ADNP2: variants seen among roughly 807,000 people sequenced by gnomAD.
ADNP2 encodes ADNP homeobox 2.
A neutral mutation model predicts 16.4 loss-of-function variants in ADNP2; 8 were observed. The observed-to-expected ratio is 0.49, with a 90% CI of 0.29 to 0.88. ADNP2 has a LOEUF of 0.88. Ranked by LOEUF, ADNP2 falls within the 40% of genes least tolerant of loss-of-function variation. The pLI is 0.09. For synonymous variants in ADNP2, 637 were observed against 545.8 expected (o/e 1.17, Z -2.33); for missense variants, 1,397 against 1,395.1 (o/e 1.00, Z -0.02).
intron 1 of ADNP2, among the ~76,000 whole-genome samples, chr18:80,110,750 C>T (rs1026587137): frequency 6.6e-6 from 1 of 152,074 alleles, no homozygotes; most frequent in Non-Finnish European, 1.5e-5. Flanking sequence ...GACTTCACTG[C>T]GAAGACAGCA....
Position 80,137,955 on chromosome 18 carries a change from C to T in ADNP2, c.2542C>T (p.His848Tyr), listed in dbSNP as rs771171604. 2 of 1,613,118 alleles carry T rather than the reference C, an allele frequency of 1.2e-6. No homozygotes were observed. Among genetic ancestry groups the T allele is most frequent in the African/African-American group, 2.7e-5 (2 of 74,926 alleles). ...CTACTTGGCAATCCTGGCTGGGATA[C>T]ACTCCAAGTCACTGGTGCCTGTGTA... is the stretch of plus-strand genomic sequence containing the variant. ...EVYLAILAGI[H>Y]SKSLVPVYVK... The change falls in exon 4 of 4, where the codon CAC becomes TAC. Residue 848 changes from histidine (H) to tyrosine (Y), a missense_variant. His to Tyr is a moderately conservative substitution (Grantham distance 83, BLOSUM62 2). This residue lies in a region of ADNP2 where 611 missense variants were observed against 648.7 expected (regional missense o/e 0.94). Coordinates refer to ENST00000262198, the MANE Select transcript of ADNP2 (RefSeq NM_014913.4). This position sits in a 1 kb window ranked among gnomAD's most constrained non-coding sequence, Gnocchi z 4.2.
At position 80,139,295 on chromosome 18, in the gene ADNP2, G is replaced by A. The variant is rs757558903; in HGVS notation, c.*486G>A. ...TACAAACCCTGTGATGTATGTATAA[G>A]GCTCCCTGAGGATGCACTGCATTAA... is the stretch of plus-strand genomic sequence containing the variant. On this transcript the variant is annotated 3_prime_UTR_variant, in exon 4 of 4. Coordinates refer to ENST00000262198, the MANE Select transcript of ADNP2 (RefSeq NM_014913.4). 6.6e-6 allele frequency: 1 copy of A among 152,374 alleles called. No individual in the cohort carries two copies. The highest frequency in any genetic ancestry group is 1.5e-5 in the Non-Finnish European group (1 of 68,274). The allele number at this position is 152,374 out of a possible 1,614,324, so 9.4% of individuals were successfully genotyped here. A position where few individuals can be genotyped will look rare whatever the true frequency, so the allele number is the denominator to read the frequency against.
chr18:80,133,066 A>G (rs1355101151), intron 2 of ADNP2, 37 bp from the exon 3 acceptor site: 3 of 1,386,346 alleles, frequency 2.2e-6, no homozygotes, highest in Non-Finnish European at 3.0e-6. Context: ...TATCTTCTGA[A>G]TTTACATAAT....
intron 3 of ADNP2, 38 bp downstream of exon 3, chr18:80,133,230 A>G (rs375480549): frequency 1.3e-6 from 2 of 1,512,518 alleles, no homozygotes; most frequent in East Asian, 2.3e-5. Context: ...TGTTTCCTCA[A>G]AAGTGAGCAG....
chr18:80,112,801 ACT>A (rs1271590827), intron 1 of ADNP2, among the ~76,000 whole-genome samples: 6 of 151,972 alleles, frequency 3.9e-5, no homozygotes, highest in African/African-American at 1.5e-4. Context: ...GCTTCTCAAA[ACT>A]CTGTGATAAG....
At position 80,135,998 on chromosome 18, in the gene ADNP2, T is replaced by C; in HGVS notation, c.585T>C (p.Gly195=). 6.2e-7 allele frequency: 1 copy of C among 1,614,182 alleles called. No homozygotes were observed. Among genetic ancestry groups the C allele is most frequent in the African/African-American group, 1.3e-5 (1 of 75,038 alleles). Residue 195 remains glycine, a synonymous_variant, in exon 4 of 4, where the codon GGT becomes GGC. Coordinates refer to ENST00000262198, the MANE Select transcript of ADNP2 (RefSeq NM_014913.4). ...TTGGCCTAAGAACTGAGGAAATGGG[T>C]GAGCAACCGAAAACTAACGATACTG... ...SYFGLRTEEM[G]EQPKTNDTVS...
intron 2 of ADNP2, among the ~76,000 whole-genome samples, chr18:80,128,826 A>G (rs2052477137): frequency 6.6e-6 from 1 of 152,086 alleles, no homozygotes; most frequent in Non-Finnish European, 1.5e-5. Context: ...ATAATACTGT[A>G]ATCTATGAAT....
In ADNP2 at chr18:80,136,494, G is replaced by T; in HGVS notation, c.1081G>T (p.Val361Phe). The T allele has an allele frequency of 1.2e-6, 2 of 1,614,142 alleles. No homozygotes were observed. The highest frequency in any genetic ancestry group is 1.1e-5 in the South Asian group (1 of 91,080). ...TCAGCCCGTCTTTCTTTCTCACGGG[G>T]TTCCACTTCATCAGTCTGTGAATCC... ...APQPVFLSHG[V>F]PLHQSVNPPV... The change falls in exon 4 of 4, where the codon GTT becomes TTT. Residue 361 changes from valine (V) to phenylalanine (F), a missense_variant. Val to Phe is a conservative substitution (Grantham distance 50, BLOSUM62 -1). Coordinates refer to ENST00000262198, the MANE Select transcript of ADNP2 (RefSeq NM_014913.4).
chr18:80,121,631 C>G (rs72976375), intron 2 of ADNP2, among the ~76,000 whole-genome samples: 2,383 of 152,212 alleles, frequency 0.016, 23 homozygotes, highest in Non-Finnish European at 0.023. Context: ...TGAAAATTTT[C>G]TCCTATGTTT....
chr18:80,109,989 C>G (rs1273028802), intron 1 of ADNP2: 5 of 152,716 alleles, frequency 3.3e-5, no homozygotes, highest in African/African-American at 9.6e-5. Context: ...GGAAGCTTCT[C>G]TCTGGAGGAG....
chr18:80,111,032 C>G (rs2052353797), intron 1 of ADNP2, among the ~76,000 whole-genome samples: 1 of 152,086 alleles, frequency 6.6e-6, no homozygotes, highest in African/African-American at 2.4e-5. Flanking sequence ...TTTATGATTG[C>G]CCTCATAAGT....
chr18:80,113,710 G>A (rs1174995809), intron 1 of ADNP2, among the ~76,000 whole-genome samples: 1 of 152,126 alleles, frequency 6.6e-6, no homozygotes, highest in Non-Finnish European at 1.5e-5. Context: ...TTCTGCCCTG[G>A]AGTAGTTCAG....
rs567211900 is a variant in ADNP2, at chr18:80,121,497, T to C, written c.108+3847T>C. Among the ~76,000 whole-genome samples, 4 of 152,350 alleles carry C rather than the reference T, an allele frequency of 2.6e-5. No homozygotes were observed. The East Asian group carries it at 5.8e-4, about 22-fold the overall frequency. On this transcript the variant is annotated intron_variant, in intron 2 of 3. Coordinates refer to ENST00000262198, the MANE Select transcript of ADNP2 (RefSeq NM_014913.4). ...TTTTCTTCTACAGGTTGTCTTTACTTTCTTGATAACATCTTGTTGCACAAA... is the reference window on the plus strand; with the variant it reads ...TTTTCTTCTACAGGTTGTCTTTACTCTCTTGATAACATCTTGTTGCACAAA...
At chr18:80,121,978 A>G (rs1046616770) in intron 2 of ADNP2, among the ~76,000 whole-genome samples, 1 of 151,814 alleles carries the variant, frequency 6.6e-6, no homozygotes, top group Admixed American at 6.6e-5. Flanking sequence ...GTGCAGTGAC[A>G]TGATCTTGGC....
chr18:80,116,487 A>G (rs2052390173), intron 1 of ADNP2, among the ~76,000 whole-genome samples: 1 of 151,226 alleles, frequency 6.6e-6, no homozygotes, highest in East Asian at 2.0e-4. Flanking sequence ...ACTGGTATAC[A>G]TTACTATTAG....
intron 2 of ADNP2, 138 bp from the exon 3 acceptor site, chr18:80,132,965 C>T (rs377605230): frequency 1.5e-6 from 1 of 651,172 alleles, no homozygotes; most frequent in Non-Finnish European, 2.6e-6. Flanking sequence ...AAGTGATCCA[C>T]CCTCCTCAAC....
In ADNP2 at chr18:80,138,142, C is replaced by T. The variant is rs760529865; in HGVS notation, c.2729C>T (p.Ser910Phe). 1 of 1,614,116 alleles carries T rather than the reference C, an allele frequency of 6.2e-7. No individual in the cohort carries two copies. Among genetic ancestry groups the T allele is most frequent in the Non-Finnish European group, 8.5e-7 (1 of 1,180,036 alleles). ...CCCACAGTCCACACGGTCCTGAAGT[C>T]TCCCGCCTTCAAGTGCATCCACTGC... ...IMPTVHTVLK[S>F]PAFKCIHCCG... The change falls in exon 4 of 4, where the codon TCT becomes TTT. Residue 910 changes from serine (S) to phenylalanine (F), a missense_variant. Ser to Phe is a radical substitution (Grantham distance 155). Around this residue, in one of 3 missense-constraint regions of ADNP2, gnomAD observed 611 missense variants for 648.7 expected, o/e 0.94. Coordinates refer to ENST00000262198, the MANE Select transcript of ADNP2 (RefSeq NM_014913.4).
intron 2 of ADNP2, among the ~76,000 whole-genome samples, chr18:80,121,636 A>G (rs546166530): frequency 4.6e-5 from 7 of 152,224 alleles, no homozygotes; most frequent in Non-Finnish European, 5.9e-5. Flanking sequence ...ATTTTCTCCT[A>G]TGTTTTTCCT....
At chr18:80,134,764 C>A (rs1415814022) in intron 3 of ADNP2, among the ~76,000 whole-genome samples, 14 of 152,106 alleles carry the variant, frequency 9.2e-5, no homozygotes, top group Admixed American at 7.2e-4. Context: ...GTCAGTGTTG[C>A]GTTCTGTGGC....
Sources: gnomAD v4.1 joint callset for allele counts (sites outside exome capture counted in the v4.1 genomes callset) on GRCh38, gnomAD v4.1.1 for gene constraint, gnomAD v4.1.1 regional missense constraint, Gnocchi (gnomAD v3.1) non-coding constraint, MANE v1.5 for transcripts, NCBI Gene and HGNC (gene_info 2026-07-23, HGNC 2026-07-21) for gene names.